Variants in STK38L observed in about 807,000 individuals in gnomAD.
The protein encoded by STK38L is serine/threonine kinase 38 like, also known as serine/threonine-protein kinase 38-like.
A neutral mutation model predicts 59.7 loss-of-function variants in STK38L; 28 were observed. The observed-to-expected ratio is 0.47, with a 90% CI of 0.35 to 0.64. The LOEUF (loss-of-function observed/expected upper bound fraction) is 0.64. Ranked by LOEUF, STK38L falls within the 30% of genes least tolerant of loss-of-function variation. The pLI is 0.01. For missense variants in STK38L, 314 were observed against 555.8 expected, an observed-to-expected ratio of 0.56 and a Z score of 4.37; for synonymous variants, 162 against 176.8, an observed-to-expected ratio of 0.92 and a Z score of 0.66.
At chr12:27,284,582 A>T (rs1264054969) in intron 1 of STK38L, among the ~76,000 whole-genome samples, 1 of 152,220 alleles carries the variant, frequency 6.6e-6, no homozygotes, top group African/African-American at 2.4e-5. Context: ...TTGAACTTAT[A>T]AACTGATTTA....
rs529055062 is a variant in STK38L, at chr12:27,255,350, A to G, written c.-12+11018A>G. Among the ~76,000 whole-genome samples, 4 of 152,368 alleles carry G rather than the reference A, an allele frequency of 2.6e-5. No homozygotes were observed. In the South Asian group the frequency reaches 8.3e-4, roughly 32 times the overall value. On this transcript the variant is annotated intron_variant, in intron 1 of 13. Transcript: ENST00000389032. Reference sequence around the variant, plus strand: ...GTAAACCAAGTACTCTCTCCCTTTCAGAAAACATTATCAAACAACAAAAAA... The same window carrying G: ...GTAAACCAAGTACTCTCTCCCTTTCGGAAAACATTATCAAACAACAAAAAA...
chr12:27,247,879 A>G (rs529446195), intron 1 of STK38L, among the ~76,000 whole-genome samples: 66 of 150,838 alleles, frequency 4.4e-4, no homozygotes, highest in African/African-American at 1.5e-3. Flanking sequence ...CAGTAGTGCA[A>G]TCATGGCTCA....
At chr12:27,285,402 A>G (rs1296832192) in intron 1 of STK38L, among the ~76,000 whole-genome samples, 1 of 152,158 alleles carries the variant, frequency 6.6e-6, no homozygotes, top group Non-Finnish European at 1.5e-5. Flanking sequence ...TATTTTATAT[A>G]CTCACTTAAA....
rs994684382 is a variant in STK38L at position 27,285,764 on chromosome 12, A to G, written c.-11-11946A>G. Reference sequence around the variant, plus strand: ...TTATCTCCCTTAAAACAGGCAAGGAAAGAGTAAAGGGGAGTGGGCATCTTC... The same window carrying G: ...TTATCTCCCTTAAAACAGGCAAGGAGAGAGTAAAGGGGAGTGGGCATCTTC... On this transcript the variant is annotated intron_variant, in intron 1 of 13. Transcript: ENST00000389032. Among the ~76,000 whole-genome samples, 7 of 152,358 alleles carry G rather than the reference A, an allele frequency of 4.6e-5. No homozygotes were observed. The East Asian group carries it at 1.2e-3, about 25-fold the overall frequency.
chr12:27,314,697 A>G, intron 7 of STK38L, 39 bp downstream of exon 7: 1 of 1,550,048 alleles, frequency 6.5e-7, no homozygotes, highest in African/African-American at 1.4e-5. Context: ...GCTGTTGATT[A>G]TTTTTTAGAG....
intron 1 of STK38L, among the ~76,000 whole-genome samples, chr12:27,273,587 T>C (rs942003353): frequency 4.6e-5 from 7 of 152,202 alleles, no homozygotes; most frequent in Admixed American, 1.3e-4. Context: ...AATTATGAAT[T>C]ATTTATTTTT....
Position 27,314,920 on chromosome 12 carries a change from A to C in STK38L, c.673-95A>C, listed in dbSNP as rs1944549160. On this transcript the variant is annotated intron_variant, in intron 7 of 13. Transcript: ENST00000389032. ...TACGTGTATAAATCCCAAGCTAAGA[A>C]TTTTTATTATAATTGCCATTTAATA... The C allele has an allele frequency of 2.3e-5, 23 of 1,016,414 alleles. 2 individuals carry two copies. The South Asian group carries it at 4.1e-4, about 18-fold the overall frequency. 63.0% of individuals were successfully genotyped at this position (1,016,414 alleles called of 1,614,324 possible). A position where few individuals can be genotyped will look rare whatever the true frequency, so the allele number is the denominator to read the frequency against.
chr12:27,294,115 A>T (rs1382149036), intron 1 of STK38L, among the ~76,000 whole-genome samples: 1 of 152,244 alleles, frequency 6.6e-6, no homozygotes, highest in Non-Finnish European at 1.5e-5. Flanking sequence ...TTTGAAGAGA[A>T]CTATCTATGA....
In STK38L at chr12:27,268,805, G is replaced by A. The variant is rs1230317018; in HGVS notation, c.-12+24473G>A. Among the ~76,000 whole-genome samples, 8 of 152,154 alleles carry A rather than the reference G, an allele frequency of 5.3e-5. No homozygotes were observed. The East Asian group carries it at 1.4e-3, about 26-fold the overall frequency. ...GTTGTTTCCTGACTTTTTAATGATC[G>A]CCATTCTAACTGGTGTGAGATGGTA... On this transcript the variant is annotated intron_variant, in intron 1 of 13. Coordinates refer to ENST00000389032, the MANE Select transcript of STK38L (RefSeq NM_015000.4).
chr12:27,270,975 T>C (rs1008281218), intron 1 of STK38L, among the ~76,000 whole-genome samples: 1 of 152,224 alleles, frequency 6.6e-6, no homozygotes, highest in Non-Finnish European at 1.5e-5. Context: ...AAAAGGGACA[T>C]GTTAACAGTG....
chr12:27,316,248 T>C (rs951607676), intron 9 of STK38L, among the ~76,000 whole-genome samples: 5 of 152,192 alleles, frequency 3.3e-5, no homozygotes, highest in Admixed American at 3.3e-4. Flanking sequence ...TTTAAATGTA[T>C]TGAGTTACAC....
Position 27,277,307 on chromosome 12 carries a change from G to A in STK38L, c.-11-20403G>A, listed in dbSNP as rs547401334. 2.0e-5 allele frequency among the ~76,000 whole-genome samples: 3 copies of A among 151,706 alleles called. No individual in the cohort carries two copies. In the East Asian group the frequency reaches 5.8e-4, roughly 29 times the overall value. On this transcript the variant is annotated intron_variant, in intron 1 of 13. Transcript: ENST00000389032. ...AGGTGGTAGCATCTCTTGAGCCTAG[G>A]GCTTTGAGACCAGCCTGGGTAATAG... is the stretch of plus-strand genomic sequence containing the variant.
chr12:27,313,163 G>GT (rs1486888589), intron 6 of STK38L, among the ~76,000 whole-genome samples: 6 of 151,804 alleles, frequency 4.0e-5, no homozygotes, highest in African/African-American at 1.5e-4. Flanking sequence ...CAGGAGAATG[G>GT]TGTGAACCCG....
At chr12:27,293,611 C>T (rs1359939527) in intron 1 of STK38L, 3 of 56,232 alleles carry the variant, frequency 5.3e-5, no homozygotes, top group South Asian at 4.9e-4. Flanking sequence ...CAGACCTTGC[C>T]GCTTGGCAGA....
chr12:27,275,608 G>A (rs1170642499), intron 1 of STK38L, among the ~76,000 whole-genome samples: 1 of 152,094 alleles, frequency 6.6e-6, no homozygotes, highest in African/African-American at 2.4e-5. Flanking sequence ...CAAACTGTTG[G>A]GATTACAGGC....
chr12:27,314,260 G>C, intron 6 of STK38L, among the ~76,000 whole-genome samples: 1 of 152,044 alleles, frequency 6.6e-6, no homozygotes, highest in East Asian at 1.9e-4. Context: ...AATTAGCTGG[G>C]TGTGGTGGTG....
At chr12:27,253,456 A>C (rs1943020040) in intron 1 of STK38L, among the ~76,000 whole-genome samples, 1 of 148,220 alleles carries the variant, frequency 6.7e-6, no homozygotes, top group Admixed American at 6.7e-5. Context: ...CTAGTGAAAG[A>C]ACCTAGGCAG....
At chr12:27,313,600 C>T (rs558246447) in intron 6 of STK38L, among the ~76,000 whole-genome samples, 1 of 152,106 alleles carries the variant, frequency 6.6e-6, no homozygotes, top group East Asian at 2.0e-4. Flanking sequence ...TCAGGCTGGT[C>T]TCAAACTCCT....
At chr12:27,322,297 A>G (rs1267701026) in intron 13 of STK38L, 31 bp from the exon 14 acceptor site, 3 of 1,613,174 alleles carry the variant, frequency 1.9e-6, no homozygotes, top group African/African-American at 2.7e-5. Context: ...GCATTTCACT[A>G]ATGAAATTCC....
Sources: gnomAD v4.1 joint callset for allele counts (sites outside exome capture counted in the v4.1 genomes callset) on GRCh38, gnomAD v4.1.1 for gene constraint, MANE v1.5 for transcripts, NCBI Gene and HGNC (gene_info 2026-07-23, HGNC 2026-07-21) for gene names.